KLRD1: variants seen among roughly 807,000 people sequenced by gnomAD.
KLRD1 encodes the protein killer cell lectin like receptor D1, also known as natural killer cells antigen CD94.
In KLRD1, 21 loss-of-function variants were observed where a neutral mutation model predicts 22.6. The observed-to-expected ratio is 0.93, with a 90% confidence interval of 0.66 to 1.34. The LOEUF (loss-of-function observed/expected upper bound fraction) is 1.34, where lower values mean the gene tolerates loss of function less well. Ranked by LOEUF, KLRD1 falls within the 40% of genes most tolerant of loss-of-function variation. KLRD1 has a pLI of 0.00. For missense variants in KLRD1, 183 were observed against 208.6 expected (o/e 0.88, Z 0.76); for synonymous variants, 59 against 71.1 (o/e 0.83, Z 0.85).
intron 1 of KLRD1, among the ~76,000 whole-genome samples, chr12:10,282,810 A>G (rs912677145): frequency 6.6e-6 from 1 of 152,186 alleles, no homozygotes; most frequent in Non-Finnish European, 1.5e-5. Context: ...TCTCTAAAAT[A>G]TTTGAGCAAG....
At chr12:10,245,273 G>A (rs991430191) in intron 1 of KLRD1, among the ~76,000 whole-genome samples, 7 of 151,898 alleles carry the variant, frequency 4.6e-5, no homozygotes, top group Admixed American at 1.3e-4. Flanking sequence ...CAGGAGAATC[G>A]CTTGAACCTG....
chr12:10,270,137 A>G (rs1949536633), intron 1 of KLRD1, among the ~76,000 whole-genome samples: 1 of 152,202 alleles, frequency 6.6e-6, no homozygotes, highest in African/African-American at 2.4e-5. Flanking sequence ...TTCCGTTTCT[A>G]TCAAACCACT....
chr12:10,298,438 C>G (rs1233196161), intron 1 of KLRD1, among the ~76,000 whole-genome samples: 2 of 152,210 alleles, frequency 1.3e-5, no homozygotes, highest in Non-Finnish European at 2.9e-5. Flanking sequence ...CAGAAGGACT[C>G]ATTATGAAAT....
chr12:10,327,334 C>G lies in KLRD1; in HGVS notation c.*12541C>G, dbSNP rs550361248. 1 of 152,268 alleles carries G rather than the reference C, an allele frequency of 6.6e-6. No homozygotes were observed. The highest frequency in any genetic ancestry group is 2.1e-4 in the South Asian group (1 of 4,824). The allele number at this position is 152,268 out of a possible 1,614,324, so 9.4% of individuals were successfully genotyped here. A position where few individuals can be genotyped will look rare whatever the true frequency, so the allele number is the denominator to read the frequency against. On this transcript the variant is annotated 3_prime_UTR_variant, in exon 6 of 6. Transcript: ENST00000336164. ...TTTGATATCAGGAAGTTTGAGGCCT[C>G]TGGCCTTCTGTTTCTTGCTCAAGAT...
chr12:10,283,396 A>T (rs143251677), intron 1 of KLRD1, among the ~76,000 whole-genome samples: 184 of 152,340 alleles, frequency 1.2e-3, no homozygotes, highest in Middle Eastern at 6.8e-3. Context: ...GAGAGTGGGG[A>T]TAAGGTTTTA....
intron 1 of KLRD1, among the ~76,000 whole-genome samples, chr12:10,295,184 A>T (rs1174879315): frequency 6.6e-6 from 1 of 152,190 alleles, no homozygotes; most frequent in East Asian, 1.9e-4. Flanking sequence ...TTAGATTCTG[A>T]TGTGAACCAT....
intron 1 of KLRD1, among the ~76,000 whole-genome samples, chr12:10,267,686 G>A (rs1949512495): frequency 6.6e-6 from 1 of 152,192 alleles, no homozygotes. Context: ...CAGAATGAAA[G>A]AAGAGGAGTC....
intron 1 of KLRD1, among the ~76,000 whole-genome samples, chr12:10,272,685 A>C (rs1348386552): frequency 6.6e-6 from 1 of 152,198 alleles, no homozygotes; most frequent in African/African-American, 2.4e-5. Context: ...AGGCAACAGA[A>C]GTCTTAATAT....
At chr12:10,255,275 A>C (rs1232269649) in intron 1 of KLRD1, among the ~76,000 whole-genome samples, 5 of 152,172 alleles carry the variant, frequency 3.3e-5, no homozygotes, top group Non-Finnish European at 7.3e-5. Flanking sequence ...AAGGTTTACT[A>C]ATATTGTTAA....
intron 1 of KLRD1, among the ~76,000 whole-genome samples, chr12:10,282,406 C>T (rs1949653672): frequency 6.6e-6 from 1 of 151,976 alleles, no homozygotes; most frequent in Admixed American, 6.6e-5. Flanking sequence ...TACAGGCATG[C>T]ACTACCATGC....
rs1194780316 is a variant in KLRD1 at position 10,329,503 on chromosome 12, T to G, written c.*14710T>G. On this transcript the variant is annotated 3_prime_UTR_variant, in exon 6 of 6. Coordinates refer to ENST00000336164, the MANE Select transcript of KLRD1 (RefSeq NM_002262.5). ...GCTGTTGGATGGAATGTTCTGCACA[T>G]GTCTGTAGGTGACTTGACTTGCAGT... 1 of 152,262 alleles carries G rather than the reference T, an allele frequency of 6.6e-6. No individual in the cohort carries two copies. Among genetic ancestry groups the G allele is most frequent in the Non-Finnish European group, 1.5e-5 (1 of 68,060 alleles). 9.4% of individuals were successfully genotyped at this position (152,262 alleles called of 1,614,324 possible). A position where few individuals can be genotyped will look rare whatever the true frequency, so the allele number is the denominator to read the frequency against.
At position 10,328,235 on chromosome 12, in the gene KLRD1, T is replaced by C. The variant is rs933624992; in HGVS notation, c.*13442T>C. 1.3e-5 allele frequency: 2 copies of C among 152,182 alleles called. No individual in the cohort carries two copies. Among genetic ancestry groups the C allele is most frequent in the Admixed American group, 1.3e-4 (2 of 15,272 alleles). 9.4% of individuals were successfully genotyped at this position (152,182 alleles called of 1,614,324 possible). A position where few individuals can be genotyped will look rare whatever the true frequency, so the allele number is the denominator to read the frequency against. On this transcript the variant is annotated 3_prime_UTR_variant, in exon 6 of 6. Coordinates refer to ENST00000336164, the MANE Select transcript of KLRD1 (RefSeq NM_002262.5). ...TATAATAGCTTGGGAAAGATGGCCA[T>C]TAATTTCTCCTTAAATATTTGGTGG...
chr12:10,310,134 G>A (rs1357737109), intron 3 of KLRD1, among the ~76,000 whole-genome samples: 1 of 152,158 alleles, frequency 6.6e-6, no homozygotes, highest in African/African-American at 2.4e-5. Flanking sequence ...TTTTGGAGAT[G>A]GAGTTTTGCT....
chr12:10,255,509 C>T (rs1296185848), intron 1 of KLRD1, among the ~76,000 whole-genome samples: 4 of 152,050 alleles, frequency 2.6e-5, no homozygotes, highest in Non-Finnish European at 5.9e-5. Flanking sequence ...TTTGTTGCAT[C>T]CCGTATGTTT....
At position 10,316,387 on chromosome 12, in the gene KLRD1, A is replaced by G. The variant is rs1950229669; in HGVS notation, c.*1594A>G. On this transcript the variant is annotated 3_prime_UTR_variant, in exon 6 of 6. Transcript: ENST00000336164. ...TGCTACTTCATAGTTTATGCCACTTATTTTATTTTTTACTTTTATTATTTT... is the reference window on the plus strand; with the variant it reads ...TGCTACTTCATAGTTTATGCCACTTGTTTTATTTTTTACTTTTATTATTTT... 1 of 151,496 alleles carries G rather than the reference A, an allele frequency of 6.6e-6. No homozygotes were observed. The highest frequency in any genetic ancestry group is 1.5e-5 in the Non-Finnish European group (1 of 67,976). The allele number at this position is 151,496 out of a possible 1,614,324, so 9.4% of individuals were successfully genotyped here.
At chr12:10,278,813 C>G (rs921224720) in intron 1 of KLRD1, among the ~76,000 whole-genome samples, 2 of 151,788 alleles carry the variant, frequency 1.3e-5, no homozygotes, top group African/African-American at 4.8e-5. Flanking sequence ...TTTGTTTTTT[C>G]CTGTATGAAC....
intron 1 of KLRD1, among the ~76,000 whole-genome samples, chr12:10,288,981 G>A: frequency 6.6e-6 from 1 of 152,136 alleles, no homozygotes; most frequent in East Asian, 1.9e-4. Context: ...ATTATTCTGA[G>A]TTAGGGCATC....
chr12:10,271,100 T>TTG (rs1243203693), intron 1 of KLRD1, among the ~76,000 whole-genome samples: 15 of 150,858 alleles, frequency 9.9e-5, no homozygotes, highest in Admixed American at 3.3e-4. Flanking sequence ...CCTAATTGTT[T>TTG]TTTTTTTTTT....
rs1167122865 is a variant in KLRD1 at position 10,324,872 on chromosome 12, C to G, written c.*10079C>G. The G allele has an allele frequency of 9.5e-6, 1 of 105,068 alleles. No individual in the cohort carries two copies. Among genetic ancestry groups the G allele is most frequent in the Non-Finnish European group, 2.0e-5 (1 of 50,728 alleles). 6.5% of individuals were successfully genotyped at this position (105,068 alleles called of 1,614,324 possible). A position where few individuals can be genotyped will look rare whatever the true frequency, so the allele number is the denominator to read the frequency against. ...TTTACACAGTTGATTCTAAGTGTAT[C>G]TTTTATTGTTTAACCTGCCTAAATT... is the stretch of plus-strand genomic sequence containing the variant. On this transcript the variant is annotated 3_prime_UTR_variant, in exon 6 of 6. Transcript: ENST00000336164.
Sources: allele counts gnomAD v4.1 joint callset (sites outside exome capture counted in the v4.1 genomes callset), GRCh38; gene constraint gnomAD v4.1.1; transcripts MANE v1.5; gene names NCBI Gene and HGNC (gene_info 2026-07-23, HGNC 2026-07-21).